Variants in USP6 observed in about 807,000 individuals in gnomAD.
USP6 encodes ubiquitin carboxyl-terminal hydrolase 6.
In USP6, 128 loss-of-function variants were observed where a neutral mutation model predicts 175.7. The ratio of observed to expected loss-of-function variants is 0.73; its 90% CI spans 0.63 to 0.84. USP6 has a LOEUF of 0.84. USP6 is among the 40% of genes least tolerant of loss of function. The probability of loss-of-function intolerance (pLI) is 0.00; values close to 1 mark genes in which losing one functional copy is unlikely to be tolerated. For synonymous variants in USP6, 562 were observed against 630.6 expected (o/e 0.89, Z 1.63); for missense variants, 1,498 against 1,760.3 (o/e 0.85, Z 2.67).
Position 5,147,194 on chromosome 17 carries a change from G to A in USP6, c.2431G>A (p.Asp811Asn). 2 of 1,609,680 alleles carry A rather than the reference G, an allele frequency of 1.2e-6. No individual in the cohort carries two copies. The highest frequency in any genetic ancestry group is 1.1e-5 in the South Asian group (1 of 90,620). Reference sequence around the variant, plus strand: ...TTCAGCTTCTAGTCCAACACAAATAGGTAAGATAGAACTAGAACTCCTTCT... The same window carrying A: ...TTCAGCTTCTAGTCCAACACAAATAAGTAAGATAGAACTAGAACTCCTTCT... ...PISASSPTQI[D>N]FSSSPSTNGM... Residue 811 changes from aspartate (D) to asparagine (N), a missense_variant and splice_region_variant, in exon 29 of 38, where the codon GAT (aspartate) becomes AAT (asparagine). This residue lies in a region of USP6 where 1,217 missense variants were observed against 1,500.8 expected (regional missense o/e 0.81). Coordinates refer to ENST00000574788, the MANE Select transcript of USP6 (RefSeq NM_001304284.2).
intron 25 of USP6, among the ~76,000 whole-genome samples, chr17:5,143,380 A>G (rs1038422739): frequency 1.3e-5 from 2 of 152,222 alleles, no homozygotes; most frequent in African/African-American, 2.4e-5. Context: ...AGAAGTAAAC[A>G]TAGGAGACTT....
chr17:5,151,064 C>G (rs907045620), intron 30 of USP6, among the ~76,000 whole-genome samples: 2 of 152,000 alleles, frequency 1.3e-5, no homozygotes, highest in African/African-American at 4.8e-5. Context: ...ATCTTGACAT[C>G]CTCAACTTAA....
Position 5,133,965 on chromosome 17 carries a change from C to A in USP6, c.463C>A (p.His155Asn). ...GGACGTGAGGACGACTCTCCGGAAC[C>A]ATGTCTTCTTTAGGGATCGATATGG... ...DLDVRTTLRN[H>N]VFFRDRYGAK... Residue 155 changes from histidine to asparagine, a missense_variant, in exon 15 of 38, where the codon CAT becomes AAT. This residue lies in a region of USP6 where 281 missense variants were observed against 259.6 expected (regional missense o/e 1.08). Coordinates refer to ENST00000574788, the MANE Select transcript of USP6 (RefSeq NM_001304284.2). 1 of 1,614,138 alleles carries A rather than the reference C, an allele frequency of 6.2e-7. No homozygotes were observed.
intron 30 of USP6, among the ~76,000 whole-genome samples, chr17:5,151,825 A>G (rs2073780092): frequency 6.6e-6 from 1 of 152,236 alleles, no homozygotes; most frequent in African/African-American, 2.4e-5. Flanking sequence ...CCACAATTTC[A>G]GGTGGTCTAT....
chr17:5,147,806 C>T (rs896279956), intron 29 of USP6, among the ~76,000 whole-genome samples: 1 of 152,186 alleles, frequency 6.6e-6, no homozygotes, highest in Non-Finnish European at 1.5e-5. Flanking sequence ...ACAGTATCCA[C>T]CAATCACGTG....
Position 5,146,072 on chromosome 17 carries a change from T to C in USP6, c.2217T>C (p.Asn739=). 6.2e-7 allele frequency: 1 copy of C among 1,613,210 alleles called. No homozygotes were observed. Among genetic ancestry groups the C allele is most frequent in the Non-Finnish European group, 8.5e-7 (1 of 1,179,434 alleles). Residue 739 remains asparagine (N), a synonymous_variant, in exon 28 of 38, where the codon AAT becomes AAC. Transcript: ENST00000574788. ...TTPVRYGLRL[N]MDEKYTGLKK... is the part of the protein sequence containing the mutation. ...CTGTACGGTATGGACTAAGACTGAA[T>C]ATGGATGAAAAGTACACAGGTTTAA... is the stretch of plus-strand genomic sequence containing the variant.
chr17:5,118,479 C>T (rs1366738204), intron 2 of USP6, among the ~76,000 whole-genome samples, 189 bp downstream of exon 2: 1 of 152,218 alleles, frequency 6.6e-6, no homozygotes, highest in African/African-American at 2.4e-5. Flanking sequence ...CCTGTGATCC[C>T]AAATCCCCAG....
At chr17:5,121,955 A>G (rs1441700987) in intron 4 of USP6, among the ~76,000 whole-genome samples, 3 of 152,168 alleles carry the variant, frequency 2.0e-5, no homozygotes, top group African/African-American at 7.2e-5. Context: ...TAGATCACGT[A>G]GGCAATGGGG....
intron 30 of USP6, 88 bp downstream of exon 30, chr17:5,148,855 G>T (rs1462564868): frequency 3.0e-5 from 46 of 1,519,426 alleles, no homozygotes; most frequent in Non-Finnish European, 3.8e-5. Flanking sequence ...ATCATTGAAT[G>T]CATTTTCTTC....
At chr17:5,163,746 G>A (rs565926384) in intron 33 of USP6, among the ~76,000 whole-genome samples, 2 of 152,304 alleles carry the variant, frequency 1.3e-5, no homozygotes, top group African/African-American at 4.8e-5. Context: ...TGGTAACCAG[G>A]TAACCACAGT....
chr17:5,127,148 A>G (rs1002836007), intron 6 of USP6: 11 of 148,928 alleles, frequency 7.4e-5, no homozygotes, highest in African/African-American at 2.7e-4. Flanking sequence ...CCTGCCCCTC[A>G]TCACCTCCAC....
chr17:5,122,873 A>C (rs972250665), intron 4 of USP6: 4 of 152,274 alleles, frequency 2.6e-5, no homozygotes, highest in Non-Finnish European at 5.9e-5. Context: ...TATGCCAAGG[A>C]AGAACGCGAC....
chr17:5,168,258 G>A, intron 34 of USP6, 135 bp downstream of exon 34: 1 of 1,109,662 alleles, frequency 9.0e-7, no homozygotes, highest in Non-Finnish European at 1.3e-6. Context: ...TCTGTACAAG[G>A]TTTTTATGTT....
chr17:5,170,200 T>G (rs189231610), intron 35 of USP6, among the ~76,000 whole-genome samples: 1 of 152,244 alleles, frequency 6.6e-6, no homozygotes, highest in African/African-American at 2.4e-5. Flanking sequence ...TTTTTTCAAC[T>G]GAATCATCAT....
Position 5,171,585 on chromosome 17 carries a change from A to G in USP6, c.3955-2A>G. 6.2e-7 allele frequency: 1 copy of G among 1,613,680 alleles called. No homozygotes were observed. The highest frequency in any genetic ancestry group is 8.5e-7 in the Non-Finnish European group (1 of 1,179,718). ...ATACCTCCACTCTCTTATCTCTTAC[A>G]GTGCCATTCAGGAATTCTGAGTGGG... On this transcript the variant is annotated splice_acceptor_variant, in intron 36 of 37. Coordinates refer to ENST00000574788, the MANE Select transcript of USP6 (RefSeq NM_001304284.2). LOFTEE classifies it high-confidence loss of function.
At chr17:5,146,305 C>A (rs939375360) in intron 28 of USP6, 131 bp downstream of exon 28, 3 of 1,293,762 alleles carry the variant, frequency 2.3e-6, no homozygotes, top group Admixed American at 2.7e-5. Flanking sequence ...TGAACAACAA[C>A]AAAAAATGCC....
At chr17:5,146,241 A>G in intron 28 of USP6, 67 bp downstream of exon 28, 5 of 1,511,642 alleles carry the variant, frequency 3.3e-6, no homozygotes, top group Non-Finnish European at 4.5e-6. Context: ...CTCAATTATG[A>G]TGATCAGTTG....
intron 27 of USP6, 81 bp from the exon 28 acceptor site, chr17:5,145,942 G>C (rs1598045843): frequency 2.1e-6 from 3 of 1,425,820 alleles, no homozygotes; most frequent in Non-Finnish European, 2.8e-6. Flanking sequence ...ATATTTACAG[G>C]TCAGATATAT....
rs574274297 is a variant in USP6, at chr17:5,132,523, C to G, written c.195+88C>G. Reference sequence around the variant, plus strand: ...AGGCAGAGGAAGCAGCTGGCCTGGGCGGTGGCGGGTGAGGGCAACACGCTG... The same window carrying G: ...AGGCAGAGGAAGCAGCTGGCCTGGGGGGTGGCGGGTGAGGGCAACACGCTG... On this transcript the variant is annotated intron_variant, in intron 12 of 37. Transcript: ENST00000574788. This position sits in a 1 kb window ranked among gnomAD's most constrained non-coding sequence, Gnocchi z 4.7. 7 of 1,607,952 alleles carry G rather than the reference C, an allele frequency of 4.4e-6. No individual in the cohort carries two copies. Among genetic ancestry groups the G allele is most frequent in the Non-Finnish European group, 5.9e-6 (7 of 1,176,474 alleles).
Sources: gnomAD v4.1 joint callset for allele counts (sites outside exome capture counted in the v4.1 genomes callset) on GRCh38, gnomAD v4.1.1 for gene constraint, gnomAD v4.1.1 regional missense constraint, Gnocchi (gnomAD v3.1) non-coding constraint, MANE v1.5 for transcripts, NCBI Gene and HGNC (gene_info 2026-07-23, HGNC 2026-07-21) for gene names.